PPP1R12B: variants seen among roughly 807,000 people sequenced by gnomAD.
PPP1R12B encodes protein phosphatase 1 regulatory subunit 12B.
PPP1R12B carries 76 observed loss-of-function variants against 126.1 expected under a neutral mutation model. The ratio of observed to expected loss-of-function variants is 0.60; its 90% CI spans 0.50 to 0.73. The LOEUF (loss-of-function observed/expected upper bound fraction) is 0.73. Among genes scored for constraint, PPP1R12B ranks in the 30% least tolerant of loss-of-function variants. The probability of loss-of-function intolerance (pLI) is 0.00; values close to 1 mark genes in which losing one functional copy is unlikely to be tolerated. For missense variants in PPP1R12B, 1,052 were observed against 1,205.1 expected, an observed-to-expected ratio of 0.87 and a Z score of 1.88; for synonymous variants, 356 against 434.7, an observed-to-expected ratio of 0.82 and a Z score of 2.25.
intron 18 of PPP1R12B, among the ~76,000 whole-genome samples, chr1:202,520,191 A>G (rs1455680569): frequency 1.3e-5 from 2 of 152,254 alleles, no homozygotes; most frequent in Non-Finnish European, 2.9e-5. Flanking sequence ...AAGTTGTTCT[A>G]GCCCAACTCT....
intron 18 of PPP1R12B, among the ~76,000 whole-genome samples, chr1:202,524,596 A>G (rs1156510700): frequency 6.6e-6 from 1 of 152,098 alleles, no homozygotes; most frequent in East Asian, 1.9e-4. Context: ...GCTCCCTCTT[A>G]TGAGTGAGAA....
chr1:202,556,793 GC>G (rs1686999268), intron 18 of PPP1R12B, among the ~76,000 whole-genome samples: 1 of 152,202 alleles, frequency 6.6e-6, no homozygotes, highest in African/African-American at 2.4e-5. Context: ...CACACAGTGG[GC>G]TGTTAAATAC....
chr1:202,574,410 CTGAGG>C, intron 23 of PPP1R12B, among the ~76,000 whole-genome samples: 1 of 152,192 alleles, frequency 6.6e-6, no homozygotes, highest in Non-Finnish European at 1.5e-5. Context: ...CTTTAGGAGG[CTGAGG>C]TGGGAAGATG....
chr1:202,421,117 G>A (rs544415242), intron 2 of PPP1R12B, among the ~76,000 whole-genome samples: 92 of 151,610 alleles, frequency 6.1e-4, no homozygotes, highest in African/African-American at 2.1e-3. Context: ...CACCATGCCC[G>A]GCTAAGTTTT....
chr1:202,580,613 C>A lies in PPP1R12B; in HGVS notation c.*53C>A. On this transcript the variant is annotated 3_prime_UTR_variant, in exon 24 of 24. Transcript: ENST00000608999. Reference sequence around the variant, plus strand: ...AAGGGACAGCATTTGCTGCCCCCACCCCTCTTTTCCAGTCCTTGCCTTCCA... The same window carrying A: ...AAGGGACAGCATTTGCTGCCCCCACACCTCTTTTCCAGTCCTTGCCTTCCA... 1 of 1,442,822 alleles carries A rather than the reference C, an allele frequency of 6.9e-7. No homozygotes were observed. The highest frequency in any genetic ancestry group is 9.8e-7 in the Non-Finnish European group (1 of 1,024,988). 89.4% of individuals were successfully genotyped at this position (1,442,822 alleles called of 1,614,324 possible). A position where few individuals can be genotyped will look rare whatever the true frequency, so the allele number is the denominator to read the frequency against.
chr1:202,560,066 G>A, intron 19 of PPP1R12B, among the ~76,000 whole-genome samples: 1 of 152,140 alleles, frequency 6.6e-6, no homozygotes, highest in Admixed American at 6.5e-5. Flanking sequence ...TATTCAGTAA[G>A]TGATCATTAG....
intron 18 of PPP1R12B, among the ~76,000 whole-genome samples, chr1:202,518,957 T>C (rs1393745322): frequency 6.6e-6 from 1 of 152,236 alleles, no homozygotes; most frequent in African/African-American, 2.4e-5. Context: ...TATACATATA[T>C]AGCAGCGTTG....
intron 23 of PPP1R12B, among the ~76,000 whole-genome samples, chr1:202,572,617 G>A (rs766082805): frequency 1.1e-4 from 17 of 152,158 alleles, no homozygotes; most frequent in African/African-American, 2.4e-5. Context: ...AGCTGTGCCA[G>A]GCCTGCACCT....
intron 1 of PPP1R12B, among the ~76,000 whole-genome samples, chr1:202,360,623 C>T (rs1462463636): frequency 4.6e-5 from 7 of 151,398 alleles, no homozygotes; most frequent in East Asian, 2.0e-4. Flanking sequence ...GCAGGAGAAT[C>T]GCTTGTACCT....
intron 14 of PPP1R12B, among the ~76,000 whole-genome samples, chr1:202,491,120 T>C (rs1023150255): frequency 6.6e-6 from 1 of 152,170 alleles, no homozygotes; most frequent in Non-Finnish European, 1.5e-5. Flanking sequence ...CTCACCAATA[T>C]TTTTGTTGTT....
Position 202,419,832 on chromosome 1 carries a change from C to G in PPP1R12B, c.423-2788C>G, listed in dbSNP as rs1197085168. 2.0e-5 allele frequency among the ~76,000 whole-genome samples: 3 copies of G among 152,098 alleles called. No individual in the cohort carries two copies. Among genetic ancestry groups the G allele is most frequent in the Non-Finnish European group, 1.5e-5 (1 of 68,012 alleles). On this transcript the variant is annotated intron_variant, in intron 2 of 23. Coordinates refer to ENST00000608999, the MANE Select transcript of PPP1R12B (RefSeq NM_002481.4). This position sits in a 1 kb window ranked among gnomAD's most constrained non-coding sequence, Gnocchi z 4.6. ...CAATCAATTTAAAAGTTTATTTTAC[C>G]AAGGTTAAAGATGCGCACCCAGGAA...
At chr1:202,351,570 CTA>C (rs533591926) in intron 1 of PPP1R12B, among the ~76,000 whole-genome samples, 77 of 152,294 alleles carry the variant, frequency 5.1e-4, no homozygotes, top group Middle Eastern at 3.4e-3. Context: ...ACATAAAAGA[CTA>C]TTTTCAAATG....
Position 202,574,949 on chromosome 1 carries a change from C to G in PPP1R12B, c.2863-5525C>G, listed in dbSNP as rs1395036551. On this transcript the variant is annotated intron_variant, in intron 23 of 23. Transcript: ENST00000608999. ...CCTACTTTTCTCTCCTCTGGTCTGT[C>G]TTGTCTCTCTCTGTCTTTTCTGTCT... 4.6e-6 allele frequency: 7 copies of G among 1,509,892 alleles called. No individual in the cohort carries two copies. In the South Asian group the frequency reaches 5.8e-5, roughly 12 times the overall value. 93.5% of individuals were successfully genotyped at this position (1,509,892 alleles called of 1,614,324 possible). A position where few individuals can be genotyped will look rare whatever the true frequency, so the allele number is the denominator to read the frequency against.
chr1:202,383,066 C>T (rs1401999572), intron 1 of PPP1R12B, among the ~76,000 whole-genome samples: 1 of 152,048 alleles, frequency 6.6e-6, no homozygotes. Context: ...TCATCCAGGA[C>T]AAGTAACTAA....
At chr1:202,514,223 T>C (rs1681854764) in intron 18 of PPP1R12B, among the ~76,000 whole-genome samples, 1 of 152,216 alleles carries the variant, frequency 6.6e-6, no homozygotes, top group Non-Finnish European at 1.5e-5. Flanking sequence ...GTTGACTGCA[T>C]GTATGTCTTC....
chr1:202,566,141 G>A (rs186648008), intron 21 of PPP1R12B, among the ~76,000 whole-genome samples: 65 of 152,314 alleles, frequency 4.3e-4, no homozygotes, highest in African/African-American at 1.5e-3. Context: ...CATATGTCTT[G>A]ACCTTTAGGG....
In PPP1R12B at chr1:202,564,525, C is replaced by A; in HGVS notation, c.2735C>A (p.Ser912Tyr). 1 of 1,611,988 alleles carries A rather than the reference C, an allele frequency of 6.2e-7. No homozygotes were observed. The highest frequency in any genetic ancestry group is 1.1e-5 in the South Asian group (1 of 91,036). The part of the protein sequence containing the change: ...EAQLELADIK[S>Y]KLEKVAQQKQ... ...CAGCTAGAGCTAGCAGATATAAAGT[C>A]CAAGCTTGAGAAGGTGGCCCAGGTA... The change falls in exon 21 of 24, where the codon TCC becomes TAC. Residue 912 changes from serine (S) to tyrosine (Y), a missense_variant. Transcript: ENST00000608999.
Position 202,591,496 on chromosome 1 carries a change from G to A in PPP1R12B, c.*10936G>A, listed in dbSNP as rs929021135. On this transcript the variant is annotated 3_prime_UTR_variant, in exon 24 of 24. Transcript: ENST00000608999. ...TCTGCTACTTGGTGCAACTGGCTGG[G>A]GCTTCTCTGGGGAGCAGGTGTGAAG... is the stretch of plus-strand genomic sequence containing the variant. 3.3e-5 allele frequency: 5 copies of A among 152,576 alleles called. No individual in the cohort carries two copies. Among genetic ancestry groups the A allele is most frequent in the African/African-American group, 1.2e-4 (5 of 41,432 alleles). 9.5% of individuals were successfully genotyped at this position (152,576 alleles called of 1,614,324 possible). A position where few individuals can be genotyped will look rare whatever the true frequency, so the allele number is the denominator to read the frequency against.
At chr1:202,447,719 C>T (rs1672454019) in intron 12 of PPP1R12B, among the ~76,000 whole-genome samples, 1 of 152,182 alleles carries the variant, frequency 6.6e-6, no homozygotes, top group African/African-American at 2.4e-5. Context: ...TAAGAAATTA[C>T]AGTGAGACCA....
Sources: gnomAD v4.1 joint callset for allele counts (sites outside exome capture counted in the v4.1 genomes callset) on GRCh38, gnomAD v4.1.1 for gene constraint, Gnocchi (gnomAD v3.1) non-coding constraint, MANE v1.5 for transcripts, NCBI Gene and HGNC (gene_info 2026-07-23, HGNC 2026-07-21) for gene names.